The following ATXN7L1 variants were observed in gnomAD, a reference collection of about 807,000 sequenced individuals.
ATXN7L1 encodes the protein ataxin-7-like protein 1.
ATXN7L1 carries 15 observed loss-of-function variants against 70.8 expected under a neutral mutation model. That is an observed-to-expected ratio of 0.21 (90% CI 0.14 to 0.33). ATXN7L1 has a LOEUF of 0.33. Among genes scored for constraint, ATXN7L1 ranks in the 10% least tolerant of loss-of-function variants. ATXN7L1 has a pLI of 1.00. For missense variants in ATXN7L1, 975 were observed against 1,097.1 expected (o/e 0.89, Z 1.57); for synonymous variants, 440 against 445.1 (o/e 0.99, Z 0.14).
At chr7:105,657,904 A>C (rs1174087073) in intron 4 of ATXN7L1, among the ~76,000 whole-genome samples, 1 of 152,044 alleles carries the variant, frequency 6.6e-6, no homozygotes, top group African/African-American at 2.4e-5. Flanking sequence ...GTTTTTATGA[A>C]ACCTAAAAAT....
At chr7:105,746,763 T>TTA (rs1798634408) in intron 3 of ATXN7L1, among the ~76,000 whole-genome samples, 1 of 152,168 alleles carries the variant, frequency 6.6e-6, no homozygotes, top group South Asian at 2.1e-4. Flanking sequence ...ATGAATGCAT[T>TTA]ATTAAGTCAA....
rs371575381 is a variant in ATXN7L1 at position 105,648,090 on chromosome 7, G to A, written c.579-4969C>T. On this transcript the variant is annotated intron_variant, in intron 4 of 11. Coordinates refer to ENST00000419735, the MANE Select transcript of ATXN7L1 (RefSeq NM_020725.2). ...AATGTTTCAAAGATTTCAAAGACCA[G>A]GTGAGTTGGTAAGGGGCTGGGCCAC... Among the ~76,000 whole-genome samples, 7 of 152,326 alleles carry A rather than the reference G, an allele frequency of 4.6e-5. 1 individual carries two copies. The South Asian group carries it at 1.4e-3, about 32-fold the overall frequency.
intron 3 of ATXN7L1, among the ~76,000 whole-genome samples, chr7:105,720,388 C>T (rs1199683906): frequency 3.3e-5 from 5 of 152,068 alleles, no homozygotes; most frequent in African/African-American, 1.2e-4. Flanking sequence ...AAATACAAAA[C>T]CTGCCTCTTG....
At chr7:105,792,024 G>A (rs1443879739) in intron 2 of ATXN7L1, among the ~76,000 whole-genome samples, 2 of 152,098 alleles carry the variant, frequency 1.3e-5, no homozygotes, top group Admixed American at 6.5e-5. Context: ...GTGACCTGTC[G>A]AGGCCTGTCA....
Position 105,639,468 on chromosome 7 carries a change from T to G in ATXN7L1, c.945+19A>C. 6.5e-7 allele frequency: 1 copy of G among 1,541,350 alleles called. No individual in the cohort carries two copies. Among genetic ancestry groups the G allele is most frequent in the Non-Finnish European group, 8.8e-7 (1 of 1,137,890 alleles). ...GCCCCAGCGAGAGCAGGAAGTATTT[T>G]TTATGGAAAGAGAAATACCTTGCAG... is the stretch of plus-strand genomic sequence containing the variant. On this transcript the variant is annotated intron_variant, in intron 6 of 11. Transcript: ENST00000419735.
intron 2 of ATXN7L1, among the ~76,000 whole-genome samples, chr7:105,792,209 T>A (rs1460355099): frequency 6.6e-6 from 1 of 152,224 alleles, no homozygotes; most frequent in Non-Finnish European, 1.5e-5. Context: ...GCCTTTCCCG[T>A]TGAGACTTTT....
In ATXN7L1 at chr7:105,614,540, G is replaced by A. The variant is rs1793575310; in HGVS notation, c.1794C>T (p.Phe598=). The A allele has an allele frequency of 1.3e-6, 2 of 1,541,412 alleles. No individual in the cohort carries two copies. Among genetic ancestry groups the A allele is most frequent in the Non-Finnish European group, 8.8e-7 (1 of 1,140,358 alleles). ...AATLSIMDST[F]KAPSAVSPIP... is the part of the protein sequence containing the mutation. ...TCGGGGACACGGCGGATGGGGCCTT[G>A]AAGGTTGAGTCCATGATGCTGAGGG... Residue 598 remains phenylalanine, a synonymous_variant, in exon 10 of 12, where the codon TTC becomes TTT. Coordinates refer to ENST00000419735, the MANE Select transcript of ATXN7L1 (RefSeq NM_020725.2). The surrounding 1 kb of genome is among the most constrained non-coding windows in gnomAD (Gnocchi z 4.3).
Position 105,638,601 on chromosome 7 carries a change from C to T in ATXN7L1, c.954G>A (p.Ser318=), listed in dbSNP as rs61734762. 2.4e-3 allele frequency: 3,736 copies of T among 1,551,284 alleles called. 8 individuals carry two copies. The highest frequency in any genetic ancestry group is 3.0e-3 in the Non-Finnish European group (3,477 of 1,146,812). The stretch of plus-strand genomic sequence containing the variant: ...CTGGGACTGCCCTCCGATGGCTTAG[C>T]GAATGTGTCTAAGGAGAAGAGAAAT... The part of the protein sequence containing the change: ...CTRSLTCKTH[S]LSHRRAVPGR... The change falls in exon 7 of 12, where the codon TCG becomes TCA. Residue 318 remains serine, a synonymous_variant. Transcript: ENST00000419735.
intron 3 of ATXN7L1, among the ~76,000 whole-genome samples, chr7:105,694,141 G>A (rs575758110): frequency 5.5e-4 from 84 of 151,554 alleles, no homozygotes; most frequent in African/African-American, 1.9e-3. Context: ...TCCGCCTCCC[G>A]GGTTCAAGCA....
At chr7:105,613,748 G>A (rs761398210) in intron 10 of ATXN7L1, 114 bp downstream of exon 10, 21 of 1,526,796 alleles carry the variant, frequency 1.4e-5, no homozygotes, top group Middle Eastern at 1.7e-4. Context: ...CGGGGAAAAC[G>A]AGAACAGGAA....
At chr7:105,845,868 C>T (rs978501968) in intron 2 of ATXN7L1, among the ~76,000 whole-genome samples, 13 of 152,160 alleles carry the variant, frequency 8.5e-5, no homozygotes, top group Admixed American at 8.5e-4. Context: ...ATTTTGGCCC[C>T]TACTTCACAC....
At position 105,607,761 on chromosome 7, in the gene ATXN7L1, C is replaced by G. The variant is rs142963188; in HGVS notation, c.*91G>C. ...AGTGCACAGAAAACAGACTCTCCCC[C>G]CAGCCCACTCCCCTCCCTCCTCCTC... On this transcript the variant is annotated 3_prime_UTR_variant, in exon 12 of 12. Transcript: ENST00000419735. 0.01 allele frequency: 12,487 copies of G among 1,216,134 alleles called. 79 individuals carry two copies. Among genetic ancestry groups the G allele is most frequent in the Non-Finnish European group, 0.013 (11,044 of 844,366 alleles). 75.3% of individuals were successfully genotyped at this position (1,216,134 alleles called of 1,614,324 possible).
At chr7:105,694,941 C>G (rs1584755472) in intron 3 of ATXN7L1, among the ~76,000 whole-genome samples, 1 of 152,332 alleles carries the variant, frequency 6.6e-6, no homozygotes, top group East Asian at 1.9e-4. Flanking sequence ...TGCCTGAGGT[C>G]AGGAGTTCGA....
chr7:105,692,495 G>A (rs1186464115), intron 3 of ATXN7L1, among the ~76,000 whole-genome samples: 1 of 136,874 alleles, frequency 7.3e-6, no homozygotes, highest in Non-Finnish European at 1.5e-5. Context: ...CACCCAGGCT[G>A]GAGTGCAATG....
At chr7:105,772,790 T>G (rs1302339128) in intron 3 of ATXN7L1, among the ~76,000 whole-genome samples, 1 of 152,220 alleles carries the variant, frequency 6.6e-6, no homozygotes, top group African/African-American at 2.4e-5. Context: ...TGGAATACTG[T>G]ACACAAGAGA....
chr7:105,700,213 A>G (rs1199741475), intron 3 of ATXN7L1, among the ~76,000 whole-genome samples: 1 of 152,074 alleles, frequency 6.6e-6, no homozygotes, highest in Non-Finnish European at 1.5e-5. Flanking sequence ...GTGCTAGAAA[A>G]TGACAAGGGG....
chr7:105,725,891 T>TTTTC (rs1277855471), intron 3 of ATXN7L1, among the ~76,000 whole-genome samples: 4 of 147,362 alleles, frequency 2.7e-5, no homozygotes, highest in Non-Finnish European at 3.0e-5. Context: ...TCCATTTCTT[T>TTTTC]TTTCTTTCTT....
intron 3 of ATXN7L1, among the ~76,000 whole-genome samples, chr7:105,704,976 A>T (rs1485870401): frequency 1.3e-5 from 2 of 151,816 alleles, no homozygotes; most frequent in African/African-American, 4.8e-5. Context: ...TGCTACCCAG[A>T]ATTAGCAATA....
chr7:105,730,231 C>T (rs1310634273), intron 3 of ATXN7L1, among the ~76,000 whole-genome samples: 1 of 152,316 alleles, frequency 6.6e-6, no homozygotes, highest in Middle Eastern at 3.4e-3. Context: ...GCTGAGAGTA[C>T]ATTACCCTTG....
Sources: gnomAD v4.1 joint callset for allele counts (sites outside exome capture counted in the v4.1 genomes callset) on GRCh38, gnomAD v4.1.1 for gene constraint, Gnocchi (gnomAD v3.1) non-coding constraint, MANE v1.5 for transcripts, NCBI Gene and HGNC (gene_info 2026-07-23, HGNC 2026-07-21) for gene names.